Variants in GPC5 observed in about 807,000 individuals in gnomAD.
GPC5 encodes the protein glypican 5.
Under a neutral mutation model 53.9 loss-of-function variants are expected in GPC5, and 47 were observed. That is an observed-to-expected ratio of 0.87 (90% confidence interval 0.69 to 1.11). The LOEUF (loss-of-function observed/expected upper bound fraction) is 1.11. Among genes scored for constraint, GPC5 ranks in the 50% most tolerant of loss-of-function variants. The pLI is 0.00. For missense variants in GPC5, 748 were observed against 713.1 expected (o/e 1.05, Z -0.56); for synonymous variants, 286 against 263.3 (o/e 1.09, Z -0.84).
intron 7 of GPC5, among the ~76,000 whole-genome samples, chr13:92,245,625 G>A (rs1179067059): frequency 6.6e-6 from 1 of 152,058 alleles, no homozygotes; most frequent in Non-Finnish European, 1.5e-5. Context: ...AGGGTCAAGT[G>A]ATATAAATAA....
intron 7 of GPC5, among the ~76,000 whole-genome samples, chr13:92,280,379 CT>C (rs1459131266): frequency 6.6e-6 from 1 of 152,012 alleles, no homozygotes; most frequent in Non-Finnish European, 1.5e-5. Context: ...CTATTAGTTC[CT>C]TCCTTTTGCT....
At chr13:92,549,266 G>A (rs776515007) in intron 7 of GPC5, among the ~76,000 whole-genome samples, 4 of 152,072 alleles carry the variant, frequency 2.6e-5, no homozygotes, top group Non-Finnish European at 5.9e-5. Context: ...CTACTAAACT[G>A]CCACTAATTT....
At chr13:92,471,907 G>A (rs1878928436) in intron 7 of GPC5, among the ~76,000 whole-genome samples, 1 of 152,084 alleles carries the variant, frequency 6.6e-6, no homozygotes. Context: ...GCCACAATAG[G>A]TGGTTCTGTT....
At chr13:92,197,287 T>C (rs1204308632) in intron 7 of GPC5, among the ~76,000 whole-genome samples, 1 of 152,194 alleles carries the variant, frequency 6.6e-6, no homozygotes, top group East Asian at 1.9e-4. Flanking sequence ...ATATGATAGA[T>C]ACAGATATAA....
At chr13:91,844,420 T>C (rs1412331994) in intron 5 of GPC5, among the ~76,000 whole-genome samples, 1 of 152,144 alleles carries the variant, frequency 6.6e-6, no homozygotes, top group African/African-American at 2.4e-5. Context: ...GGGAACAAGA[T>C]CAGATGGAGA....
At chr13:91,626,765 A>C (rs2034014042) in intron 2 of GPC5, among the ~76,000 whole-genome samples, 1 of 151,884 alleles carries the variant, frequency 6.6e-6, no homozygotes, top group Admixed American at 6.6e-5. Context: ...GGTGTGCTGC[A>C]CCCATTAACT....
At chr13:92,712,286 A>ACAT (rs1888165845) in intron 7 of GPC5, among the ~76,000 whole-genome samples, 1 of 151,982 alleles carries the variant, frequency 6.6e-6, no homozygotes, top group African/African-American at 2.4e-5. Flanking sequence ...AAATTTGACG[A>ACAT]CATAGATGAA....
intron 6 of GPC5, among the ~76,000 whole-genome samples, chr13:91,937,164 G>A (rs1161201079): frequency 6.6e-6 from 1 of 151,952 alleles, no homozygotes; most frequent in Non-Finnish European, 1.5e-5. Flanking sequence ...GACAAAGAAG[G>A]CAGTTTGGTC....
chr13:92,466,799 A>G (rs1268642519), intron 7 of GPC5, among the ~76,000 whole-genome samples: 1 of 152,080 alleles, frequency 6.6e-6, no homozygotes, highest in Non-Finnish European at 1.5e-5. Context: ...GCTGTGAGGT[A>G]TGGGGTTAAT....
intron 2 of GPC5, among the ~76,000 whole-genome samples, chr13:91,455,325 T>TGAAACACAC (rs1881465333): frequency 6.6e-6 from 1 of 152,100 alleles, no homozygotes; most frequent in South Asian, 2.1e-4. Context: ...ACTCTAGTGG[T>TGAAACACAC]TTGTGTGCAT....
chr13:92,813,980 C>A (rs1476427741), intron 7 of GPC5, among the ~76,000 whole-genome samples: 1 of 151,928 alleles, frequency 6.6e-6, no homozygotes, highest in African/African-American at 2.4e-5. Flanking sequence ...CACTAACTGA[C>A]TTTGTGAAAG....
intron 7 of GPC5, among the ~76,000 whole-genome samples, chr13:92,399,914 C>T (rs1875480720): frequency 1.3e-5 from 2 of 152,170 alleles, no homozygotes; most frequent in East Asian, 3.9e-4. Context: ...CATAGCAGCT[C>T]ATTCCTAGTG....
chr13:91,776,184 TTGTGGGTGCAGCAGCAC>T (rs1380501481), intron 5 of GPC5, among the ~76,000 whole-genome samples: 1 of 151,882 alleles, frequency 6.6e-6, no homozygotes, highest in Non-Finnish European at 1.5e-5. Flanking sequence ...GAGACCACAA[TTGTGGGTGCAGCAGCAC>T]TGTGGGTGCA....
At chr13:92,831,975 T>C (rs1035448264) in intron 7 of GPC5, among the ~76,000 whole-genome samples, 4 of 152,178 alleles carry the variant, frequency 2.6e-5, no homozygotes, top group African/African-American at 9.6e-5. Context: ...TACAGGTATA[T>C]GGGCTTACCA....
At chr13:91,508,219 T>G (rs1885049326) in intron 2 of GPC5, among the ~76,000 whole-genome samples, 1 of 152,228 alleles carries the variant, frequency 6.6e-6, no homozygotes, top group Non-Finnish European at 1.5e-5. Context: ...TTACTGTTAG[T>G]ATAACGTAGT....
At chr13:92,159,502 C>G (rs1328427784) in intron 7 of GPC5, among the ~76,000 whole-genome samples, 1 of 150,476 alleles carries the variant, frequency 6.6e-6, no homozygotes, top group East Asian at 2.0e-4. Flanking sequence ...AAGCATACTT[C>G]TCTTCCAAAT....
chr13:92,376,545 A>G (rs925298386), intron 7 of GPC5, among the ~76,000 whole-genome samples: 1 of 152,190 alleles, frequency 6.6e-6, no homozygotes, highest in Non-Finnish European at 1.5e-5. Context: ...GACGAGCTCT[A>G]TTAAGTGCAG....
At chr13:91,812,206 GACTATAAATATAAAAA>G (rs1400732442) in intron 5 of GPC5, among the ~76,000 whole-genome samples, 1 of 152,124 alleles carries the variant, frequency 6.6e-6, no homozygotes, top group East Asian at 1.9e-4. Flanking sequence ...CAGAAGTCCA[GACTATAAATATAAAAA>G]TGTCTTTGCT....
At chr13:91,852,808 C>G (rs2038929087) in intron 5 of GPC5, among the ~76,000 whole-genome samples, 1 of 152,164 alleles carries the variant, frequency 6.6e-6, no homozygotes, top group East Asian at 1.9e-4. Flanking sequence ...ATATGTGATC[C>G]ATTGTTAGCC....
Sources: allele counts gnomAD v4.1 joint callset (sites outside exome capture counted in the v4.1 genomes callset), GRCh38; gene constraint gnomAD v4.1.1; transcripts MANE v1.5; gene names NCBI Gene and HGNC (gene_info 2026-07-23, HGNC 2026-07-21).